MGMT: variants seen among roughly 807,000 people sequenced by gnomAD.
The protein encoded by MGMT is methylated-DNA--protein-cysteine methyltransferase.
MGMT carries 14 observed loss-of-function variants against 15.9 expected under a neutral mutation model. That is an observed-to-expected ratio of 0.88 (90% CI 0.58 to 1.37). MGMT has a LOEUF of 1.37. Among genes scored for constraint, MGMT ranks in the 40% most tolerant of loss-of-function variants. The pLI, the probability that MGMT is intolerant of heterozygous loss-of-function variation, is 0.00. For missense variants in MGMT, 282 were observed against 268.1 expected, an observed-to-expected ratio of 1.05 and a Z score of -0.36; for synonymous variants, 130 against 118.2, an observed-to-expected ratio of 1.10 and a Z score of -0.65.
intron 1 of MGMT, among the ~76,000 whole-genome samples, chr10:129,479,323 A>G (rs569755634): frequency 6.6e-6 from 1 of 152,196 alleles, no homozygotes; most frequent in East Asian, 1.9e-4. Flanking sequence ...GGCCTTGGGG[A>G]TGTTATATTG....
At chr10:129,722,250 T>C (rs1260039455) in intron 3 of MGMT, among the ~76,000 whole-genome samples, 1 of 152,164 alleles carries the variant, frequency 6.6e-6, no homozygotes, top group Non-Finnish European at 1.5e-5. Context: ...TTTTATATAA[T>C]GTAATTAAAA....
intron 2 of MGMT, among the ~76,000 whole-genome samples, chr10:129,599,213 A>G (rs916387561): frequency 6.6e-6 from 1 of 152,310 alleles, no homozygotes; most frequent in Admixed American, 6.5e-5. Flanking sequence ...AGTCAGCTAT[A>G]TTGGATTGGC....
intron 1 of MGMT, among the ~76,000 whole-genome samples, chr10:129,472,998 C>T (rs1302450346): frequency 6.6e-6 from 1 of 152,196 alleles, no homozygotes; most frequent in African/African-American, 2.4e-5. Context: ...TGTGCCACAT[C>T]GGCCTAGAGT....
At position 129,707,964 on chromosome 10, in the gene MGMT, G is replaced by C. The variant is rs2282164; in HGVS notation, c.195G>C (p.Trp65Cys). The change falls in exon 3 of 5, where the codon TGG (tryptophan) becomes TGC (cysteine). Residue 65 changes from tryptophan to cysteine, a missense_variant. Coordinates refer to ENST00000651593, the MANE Select transcript of MGMT (RefSeq NM_002412.5). ...AGCCCCTGATGCAGTGCACAGCCTGGCTGAATGCCTATTTCCACCAGCCCG... is the reference window on the plus strand; with the variant it reads ...AGCCCCTGATGCAGTGCACAGCCTGCCTGAATGCCTATTTCCACCAGCCCG... Reference protein sequence around the residue: ...GPEPLMQCTAWLNAYFHQPEA... With the variant: ...GPEPLMQCTACLNAYFHQPEA... The C allele has an allele frequency of 6.9e-5, 111 of 1,613,374 alleles. No homozygotes were observed. The East Asian group carries it at 2.4e-3, about 35-fold the overall frequency.
chr10:129,555,558 A>C (rs1236013427), intron 2 of MGMT, among the ~76,000 whole-genome samples: 1 of 152,040 alleles, frequency 6.6e-6, no homozygotes. Flanking sequence ...AAACTTAAAA[A>C]AAAAAAATTA....
chr10:129,489,610 C>T (rs981955206), intron 1 of MGMT, among the ~76,000 whole-genome samples: 1 of 152,044 alleles, frequency 6.6e-6, no homozygotes, highest in African/African-American at 2.4e-5. Flanking sequence ...TGCGCTCTTG[C>T]ACTCTCTGTC....
chr10:129,521,700 G>A (rs1239905716), intron 1 of MGMT, among the ~76,000 whole-genome samples: 1 of 152,172 alleles, frequency 6.6e-6, no homozygotes, highest in African/African-American at 2.4e-5. Flanking sequence ...GGGTCAGGGG[G>A]TCTCCATCCG....
At position 129,769,979 on chromosome 10, in the gene MGMT, G is replaced by C. The variant is rs1848983287; in HGVS notation, c.*2982G>C. 6.6e-6 allele frequency among the ~76,000 whole-genome samples: 1 copy of C among 152,182 alleles called. No individual in the cohort carries two copies. ...AGGAAGTGGGCAAGCTCACCTTGTA[G>C]AGAACTTACTTGGGGTTTGTAATTT... On this transcript the variant is annotated 3_prime_UTR_variant, in exon 5 of 5. Transcript: ENST00000651593.
chr10:129,737,287 G>A (rs975143851), intron 3 of MGMT, among the ~76,000 whole-genome samples: 31 of 151,174 alleles, frequency 2.1e-4, no homozygotes, highest in African/African-American at 5.1e-4. Context: ...TAAACTTCTC[G>A]CTTCATTTCA....
At chr10:129,641,818 A>G (rs1193943357) in intron 2 of MGMT, among the ~76,000 whole-genome samples, 2 of 152,210 alleles carry the variant, frequency 1.3e-5, no homozygotes, top group Admixed American at 1.3e-4. Flanking sequence ...GAACATTAGA[A>G]TTCTTTTGGT....
chr10:129,502,533 TA>T (rs1257763964), intron 1 of MGMT, among the ~76,000 whole-genome samples: 1 of 151,986 alleles, frequency 6.6e-6, no homozygotes, highest in Admixed American at 6.6e-5. Context: ...TATTTTGCCT[TA>T]AAAAATGAGT....
intron 2 of MGMT, among the ~76,000 whole-genome samples, chr10:129,678,865 A>G (rs1564758522): frequency 6.6e-6 from 1 of 152,154 alleles, no homozygotes; most frequent in East Asian, 1.9e-4. Context: ...TGAAGTCGGG[A>G]GTTCGAGACC....
chr10:129,632,198 C>T (rs545207), intron 2 of MGMT, among the ~76,000 whole-genome samples: 150,802 of 152,382 alleles, frequency 0.99, 74,632 homozygotes, highest in Middle Eastern at 1. Context: ...GCCTGGCTTA[C>T]GGATGTTTCA....
At chr10:129,565,041 T>C (rs986090108) in intron 2 of MGMT, among the ~76,000 whole-genome samples, 1 of 152,312 alleles carries the variant, frequency 6.6e-6, no homozygotes, top group Admixed American at 6.5e-5. Flanking sequence ...CGCTTGACTT[T>C]GCGACACGCA....
chr10:129,488,659 C>T (rs775978178), intron 1 of MGMT, among the ~76,000 whole-genome samples: 20 of 152,338 alleles, frequency 1.3e-4, no homozygotes, highest in Admixed American at 1.3e-4. Flanking sequence ...CCAGTCATAA[C>T]AATTCCACTA....
At chr10:129,510,337 T>C (rs1845668382) in intron 1 of MGMT, among the ~76,000 whole-genome samples, 1 of 152,172 alleles carries the variant, frequency 6.6e-6, no homozygotes, top group Admixed American at 6.5e-5. Flanking sequence ...TGGAAGATGT[T>C]GAACAGGTGA....
At chr10:129,751,290 G>T (rs189861331) in intron 3 of MGMT, among the ~76,000 whole-genome samples, 6 of 151,982 alleles carry the variant, frequency 3.9e-5, no homozygotes, top group Admixed American at 1.3e-4. Context: ...TGGTCTATTC[G>T]CAGTTGTTGG....
chr10:129,687,698 C>T (rs1564761481), intron 2 of MGMT, among the ~76,000 whole-genome samples: 8 of 142,948 alleles, frequency 5.6e-5, no homozygotes, highest in African/African-American at 1.8e-4. Context: ...ATGTGTAGCC[C>T]TTTTTTTTTT....
intron 2 of MGMT, among the ~76,000 whole-genome samples, chr10:129,692,300 G>T (rs1042113430): frequency 6.6e-6 from 1 of 152,148 alleles, no homozygotes. Context: ...CCTGAGCGGC[G>T]GCTTCCAGGC....
Sources: gnomAD v4.1 joint callset for allele counts (sites outside exome capture counted in the v4.1 genomes callset) on GRCh38, gnomAD v4.1.1 for gene constraint, MANE v1.5 for transcripts, NCBI Gene and HGNC (gene_info 2026-07-23, HGNC 2026-07-21) for gene names.